IPO7: variants seen among roughly 807,000 people sequenced by gnomAD.
IPO7 encodes the protein importin 7.
Under a neutral mutation model 136.4 loss-of-function variants are expected in IPO7, and 13 were observed. The ratio of observed to expected loss-of-function variants is 0.10; its 90% CI spans 0.06 to 0.15. The LOEUF is 0.15. IPO7 is among the 10% of genes least tolerant of loss of function. IPO7 has a pLI of 1.00. For missense variants in IPO7, 857 were observed against 1,240.6 expected, an observed-to-expected ratio of 0.69 and a Z score of 4.65; for synonymous variants, 403 against 404.4, an observed-to-expected ratio of 1.00 and a Z score of 0.04.
intron 1 of IPO7, 35 bp from the exon 2 acceptor site, chr11:9,403,255 T>G (rs1564993697): frequency 2.2e-6 from 3 of 1,375,276 alleles, no homozygotes; most frequent in Non-Finnish European, 1.0e-6. Flanking sequence ...TATATTTATT[T>G]GCAGAAGTTT....
Position 9,408,558 on chromosome 11 carries a change from C to A in IPO7, c.239C>A (p.Pro80His). ...DRETAPGDIS[P>H]YTIPEEDRHC... ...GAAACAGCACCAGGGGATATATCCC[C>A]TTATACTATTCCAGAAGAAGATCGC... The change falls in exon 3 of 25, where the codon CCT (proline) becomes CAT (histidine). Residue 80 changes from proline to histidine, a missense_variant. By Grantham distance (77) the Pro-to-His change is moderately conservative. This residue lies in a region of IPO7 where 287 missense variants were observed against 307.5 expected (regional missense o/e 0.93). Coordinates refer to ENST00000379719, the MANE Select transcript of IPO7 (RefSeq NM_006391.3). 1 of 1,610,410 alleles carries A rather than the reference C, an allele frequency of 6.2e-7. No individual in the cohort carries two copies. Among genetic ancestry groups the A allele is most frequent in the South Asian group, 1.1e-5 (1 of 90,576 alleles).
At chr11:9,430,581 C>G in intron 15 of IPO7, 1 of 265,962 alleles carries the variant, frequency 3.8e-6, no homozygotes, top group South Asian at 1.1e-4. Flanking sequence ...GAAAACTATT[C>G]ATAATATTAA....
chr11:9,416,558 T>C (rs1011141268), intron 5 of IPO7, among the ~76,000 whole-genome samples: 5 of 152,274 alleles, frequency 3.3e-5, no homozygotes. Context: ...TGTCCTAAAA[T>C]CCCAAATTGG....
chr11:9,397,341 A>AAAAATAATATATATATATATAT, intron 1 of IPO7, among the ~76,000 whole-genome samples: 2 of 10,762 alleles, frequency 1.9e-4, no homozygotes, highest in African/African-American at 5.0e-4. Context: ...TTTAAAAAAA[A>AAAAATAATATATATATATATAT]ATATATATAT....
At chr11:9,421,020 G>A (rs765961373) in intron 8 of IPO7, among the ~76,000 whole-genome samples, 14 of 151,940 alleles carry the variant, frequency 9.2e-5, no homozygotes, top group Non-Finnish European at 1.3e-4. Flanking sequence ...GTGCAGTGGC[G>A]TAATCTCGGC....
intron 1 of IPO7, among the ~76,000 whole-genome samples, chr11:9,395,502 G>A (rs1296251235): frequency 2.6e-5 from 4 of 152,060 alleles, no homozygotes; most frequent in Non-Finnish European, 5.9e-5. Context: ...GCCTCCCAAA[G>A]TGCAGGGATT....
At chr11:9,439,852 C>T (rs574738933) in intron 22 of IPO7, among the ~76,000 whole-genome samples, 11 of 152,266 alleles carry the variant, frequency 7.2e-5, no homozygotes, top group African/African-American at 2.6e-4. Context: ...GGATTACAGG[C>T]GTGAGCCACC....
At chr11:9,417,593 T>A (rs1374321198) in intron 6 of IPO7, among the ~76,000 whole-genome samples, 1 of 152,120 alleles carries the variant, frequency 6.6e-6, no homozygotes, top group East Asian at 1.9e-4. Flanking sequence ...CAGTAAAATT[T>A]ATTCTTTTAA....
In IPO7 at chr11:9,437,803, T is replaced by G. The variant is rs1190871701; in HGVS notation, c.2318T>G (p.Val773Gly). 6.2e-7 allele frequency: 1 copy of G among 1,614,036 alleles called. No homozygotes were observed. Among genetic ancestry groups the G allele is most frequent in the Non-Finnish European group, 8.5e-7 (1 of 1,180,022 alleles). Residue 773 changes from valine (V) to glycine (G), a missense_variant, in exon 21 of 25, where the codon GTT (valine) becomes GGT (glycine). Around this residue, in one of 11 missense-constraint regions of IPO7, gnomAD observed 190 missense variants for 249.0 expected, o/e 0.76. Transcript: ENST00000379719. The part of the protein sequence containing the change: ...EAALERLTRE[V>G]KTSELRTMCL... Reference sequence around the variant, plus strand: ...GCCTTAGAAAGACTGACAAGAGAGGTTAAGACAAGTGAACTTCGAACTATG... The same window carrying G: ...GCCTTAGAAAGACTGACAAGAGAGGGTAAGACAAGTGAACTTCGAACTATG...
chr11:9,430,051 A>T (rs1043818663), intron 15 of IPO7, among the ~76,000 whole-genome samples: 18 of 152,154 alleles, frequency 1.2e-4, no homozygotes, highest in African/African-American at 4.1e-4. Context: ...ATGGTTTCTC[A>T]TAAGGGGTGT....
intron 1 of IPO7, among the ~76,000 whole-genome samples, chr11:9,395,098 A>G (rs1854690474): frequency 6.6e-6 from 1 of 152,152 alleles, no homozygotes; most frequent in South Asian, 2.1e-4. Flanking sequence ...GACTCATATA[A>G]AAAATCTATT....
intron 11 of IPO7, 30 bp from the exon 12 acceptor site, chr11:9,425,116 C>T (rs199931390): frequency 7.0e-7 from 1 of 1,418,784 alleles, no homozygotes; most frequent in Admixed American, 1.7e-5. Flanking sequence ...TTGGCCTATT[C>T]AGTAACAATA....
At position 9,423,155 on chromosome 11, in the gene IPO7, C is replaced by T; in HGVS notation, c.1041+15C>T. 1 of 1,514,788 alleles carries T rather than the reference C, an allele frequency of 6.6e-7. No individual in the cohort carries two copies. Among genetic ancestry groups the T allele is most frequent in the Non-Finnish European group, 9.0e-7 (1 of 1,113,874 alleles). The allele number at this position is 1,514,788 out of a possible 1,614,324, so 93.8% of individuals were successfully genotyped here. Reference sequence around the variant, plus strand: ...CCCATATACAAGTAATAATTTTTATCTGAAATGTTTTTATAGTAAATATAA... The same window carrying T: ...CCCATATACAAGTAATAATTTTTATTTGAAATGTTTTTATAGTAAATATAA... On this transcript the variant is annotated intron_variant, in intron 9 of 24. Coordinates refer to ENST00000379719, the MANE Select transcript of IPO7 (RefSeq NM_006391.3).
chr11:9,433,874 A>G, intron 18 of IPO7, 28 bp downstream of exon 18: 1 of 1,580,544 alleles, frequency 6.3e-7, no homozygotes, highest in Non-Finnish European at 8.6e-7. Context: ...GGAAATACTG[A>G]GGGTTTTCCC....
chr11:9,443,540 G>A lies in IPO7; in HGVS notation c.3019+1343G>A, dbSNP rs185104827. ...CGGGAGGTGGAGGTTGCGGTGAGCC[G>A]AGGTCGCGCCATTGCACTCCAGCCT... On this transcript the variant is annotated intron_variant, in intron 24 of 24. Coordinates refer to ENST00000379719, the MANE Select transcript of IPO7 (RefSeq NM_006391.3). Among the ~76,000 whole-genome samples the A allele has an allele frequency of 7.4e-4, 110 of 148,824 alleles. 1 individual carries two copies. The highest frequency in any genetic ancestry group is 2.7e-3 in the African/African-American group (107 of 40,168).
chr11:9,419,359 C>T (rs1035568934), intron 6 of IPO7, among the ~76,000 whole-genome samples: 10 of 151,032 alleles, frequency 6.6e-5, no homozygotes, highest in African/African-American at 2.4e-4. Context: ...ACCATCCTGG[C>T]CAACATGGTG....
At chr11:9,390,497 T>C (rs936382371) in intron 1 of IPO7, among the ~76,000 whole-genome samples, 1 of 152,190 alleles carries the variant, frequency 6.6e-6, no homozygotes, top group East Asian at 1.9e-4. Context: ...TGTTTAGAAA[T>C]TAAGCAAAAT....
chr11:9,389,910 CCA>C (rs1854604653), intron 1 of IPO7, among the ~76,000 whole-genome samples: 1 of 152,144 alleles, frequency 6.6e-6, no homozygotes, highest in African/African-American at 2.4e-5. Context: ...GAATGCACCA[CCA>C]CACACGGCTA....
At chr11:9,400,581 C>G (rs77518968) in intron 1 of IPO7, among the ~76,000 whole-genome samples, 1 of 152,054 alleles carries the variant, frequency 6.6e-6, no homozygotes, top group South Asian at 2.1e-4. Flanking sequence ...TGCCACCTCA[C>G]CTGGCTAATT....
Sources: allele counts gnomAD v4.1 joint callset (sites outside exome capture counted in the v4.1 genomes callset), GRCh38; gene constraint gnomAD v4.1.1; regional missense constraint gnomAD v4.1.1; transcripts MANE v1.5; gene names NCBI Gene and HGNC (gene_info 2026-07-23, HGNC 2026-07-21).